The following KCNMB2 variants were observed in gnomAD, a reference collection of about 807,000 sequenced individuals.
KCNMB2 encodes potassium calcium-activated channel subfamily M regulatory beta subunit 2, also known as calcium-activated potassium channel subunit beta-2.
A neutral mutation model predicts 24.5 loss-of-function variants in KCNMB2; 9 were observed. The observed-to-expected ratio is 0.37, with a 90% CI of 0.22 to 0.64. The LOEUF is 0.64. KCNMB2 is among the 30% of genes least tolerant of loss of function. The probability of loss-of-function intolerance (pLI) is 0.63; values close to 1 mark genes in which losing one functional copy is unlikely to be tolerated. For missense variants in KCNMB2, 226 were observed against 284.3 expected, an observed-to-expected ratio of 0.79 and a Z score of 1.47; for synonymous variants, 109 against 104.4, an observed-to-expected ratio of 1.04 and a Z score of -0.27.
At chr3:178,615,180 C>A (rs558293652) in intron 1 of KCNMB2, among the ~76,000 whole-genome samples, 1 of 152,330 alleles carries the variant, frequency 6.6e-6, no homozygotes, top group East Asian at 1.9e-4. Flanking sequence ...GACACACACA[C>A]CCCTGTGGGC....
chr3:178,811,756 G>A (rs75575622), intron 2 of KCNMB2, among the ~76,000 whole-genome samples: 377 of 152,220 alleles, frequency 2.5e-3, no homozygotes, highest in Non-Finnish European at 4.7e-3. Flanking sequence ...AAAAGTACAC[G>A]CAGCTTTAAT....
chr3:178,564,419 G>A (rs147207945), intron 1 of KCNMB2, among the ~76,000 whole-genome samples: 1 of 152,230 alleles, frequency 6.6e-6, no homozygotes, highest in Non-Finnish European at 1.5e-5. Flanking sequence ...GAATATCATA[G>A]GTCTGAGAAC....
At chr3:178,842,116 G>GT (rs763943653) in intron 4 of KCNMB2, among the ~76,000 whole-genome samples, 3 of 152,126 alleles carry the variant, frequency 2.0e-5, no homozygotes, top group Non-Finnish European at 4.4e-5. Flanking sequence ...AAGTGTAGCT[G>GT]TTTTTTTATG....
chr3:178,546,744 A>G (rs1244767284), intron 1 of KCNMB2, among the ~76,000 whole-genome samples: 1 of 152,240 alleles, frequency 6.6e-6, no homozygotes, highest in African/African-American at 2.4e-5. Context: ...CATCATTCTA[A>G]GAGGAATGGA....
At chr3:178,754,285 AATGAACAC>A (rs1247559665) in intron 1 of KCNMB2, among the ~76,000 whole-genome samples, 2 of 151,080 alleles carry the variant, frequency 1.3e-5, no homozygotes, top group Non-Finnish European at 2.9e-5. Flanking sequence ...GTAATGCTTC[AATGAACAC>A]AAGAGACAGA....
chr3:178,567,330 T>C (rs1716562770), intron 1 of KCNMB2, among the ~76,000 whole-genome samples: 4 of 151,992 alleles, frequency 2.6e-5, no homozygotes, highest in Admixed American at 2.0e-4. Flanking sequence ...TAGAAAACAG[T>C]TGGGGAGGAA....
At chr3:178,662,489 A>G (rs1406789528) in intron 1 of KCNMB2, among the ~76,000 whole-genome samples, 2 of 152,180 alleles carry the variant, frequency 1.3e-5, no homozygotes, top group Admixed American at 1.3e-4. Context: ...GACTATATAC[A>G]AAATTCACAC....
At chr3:178,629,431 G>A (rs544786140) in intron 1 of KCNMB2, among the ~76,000 whole-genome samples, 11 of 152,258 alleles carry the variant, frequency 7.2e-5, no homozygotes, top group Admixed American at 2.0e-4. Flanking sequence ...AGTCTGAGGC[G>A]CTGGGTAAAG....
At chr3:178,747,652 A>C (rs1368923029) in intron 1 of KCNMB2, among the ~76,000 whole-genome samples, 1 of 152,180 alleles carries the variant, frequency 6.6e-6, no homozygotes, top group Non-Finnish European at 1.5e-5. Context: ...GGTCTCAATG[A>C]CTATGCTAAT....
chr3:178,728,853 G>A (rs1466128240), intron 1 of KCNMB2, among the ~76,000 whole-genome samples: 1 of 152,064 alleles, frequency 6.6e-6, no homozygotes, highest in Non-Finnish European at 1.5e-5. Flanking sequence ...AGTTACTCAG[G>A]GATGTGATCC....
Position 178,587,414 on chromosome 3 carries a change from C to A in KCNMB2, c.-68+50703C>A, listed in dbSNP as rs76427529. On this transcript the variant is annotated intron_variant, in intron 1 of 4. Transcript: ENST00000452583. ...CAATAAACAGAACTCAGGAGATTAT[C>A]TTTTCCAGTAATTTTTTCTTTTTTT... is the stretch of plus-strand genomic sequence containing the variant. Among the ~76,000 whole-genome samples the A allele has an allele frequency of 5.3e-3, 802 of 152,082 alleles. 5 individuals are homozygous for A. The highest frequency in any genetic ancestry group is 0.019 in the African/African-American group (775 of 41,510).
At position 178,807,460 on chromosome 3, in the gene KCNMB2, A is replaced by T. The variant is rs766538946; in HGVS notation, c.51A>T (p.Glu17Asp). The T allele has an allele frequency of 1.3e-5, 21 of 1,613,492 alleles. No individual in the cohort carries two copies. The Admixed American group carries it at 2.5e-4, about 19-fold the overall frequency. ...CCTCTTCATCTTATAGACATGATGAAAAAAGGTAAATGCACTGGGATTCTG... is the reference window on the plus strand; with the variant it reads ...CCTCTTCATCTTATAGACATGATGATAAAAGGTAAATGCACTGGGATTCTG... Reference protein sequence around the residue: ...GRTSSSYRHDEKRNIYQKIRD... With the variant: ...GRTSSSYRHDDKRNIYQKIRD... The change falls in exon 2 of 5, where the codon GAA (glutamate) becomes GAT (aspartate). Residue 17 changes from glutamate to aspartate, a missense_variant. Physicochemically the swap from Glu to Asp is conservative, Grantham distance 45. Coordinates refer to ENST00000452583, the MANE Select transcript of KCNMB2 (RefSeq NM_181361.3).
chr3:178,591,373 TTCTG>T (rs1289616685), intron 1 of KCNMB2, among the ~76,000 whole-genome samples: 8 of 152,130 alleles, frequency 5.3e-5, no homozygotes, highest in Non-Finnish European at 1.2e-4. Context: ...TCGGGGCTCA[TTCTG>T]TCTTTTTCTA....
intron 1 of KCNMB2, among the ~76,000 whole-genome samples, chr3:178,663,917 A>C (rs1172354380): frequency 6.6e-6 from 1 of 152,134 alleles, no homozygotes; most frequent in Non-Finnish European, 1.5e-5. Flanking sequence ...ACTAATCTAG[A>C]GACTGTGGCA....
At chr3:178,801,135 A>T (rs1427358807) in intron 1 of KCNMB2, among the ~76,000 whole-genome samples, 1 of 152,178 alleles carries the variant, frequency 6.6e-6, no homozygotes, top group Non-Finnish European at 1.5e-5. Flanking sequence ...GGGTGACTGC[A>T]GTCTACAATA....
intron 1 of KCNMB2, among the ~76,000 whole-genome samples, chr3:178,647,562 A>G (rs1339395698): frequency 6.6e-6 from 1 of 152,234 alleles, no homozygotes; most frequent in Non-Finnish European, 1.5e-5. Context: ...TTTATCATCT[A>G]TAAAATGCAA....
At position 178,537,603 on chromosome 3, in the gene KCNMB2, G is replaced by C. The variant is rs1428880126; in HGVS notation, c.-68+892G>C. Among the ~76,000 whole-genome samples, 10 of 152,292 alleles carry C rather than the reference G, an allele frequency of 6.6e-5. No individual in the cohort carries two copies. The East Asian group carries it at 1.9e-3, about 29-fold the overall frequency. The stretch of plus-strand genomic sequence containing the variant: ...TTGTACTTTATATGGGATCGGTATA[G>C]CACAATCAGAAAAGGAAATGTCAGG... On this transcript the variant is annotated intron_variant, in intron 1 of 4. Coordinates refer to ENST00000452583, the MANE Select transcript of KCNMB2 (RefSeq NM_181361.3).
chr3:178,618,898 G>A (rs925887349), intron 1 of KCNMB2, among the ~76,000 whole-genome samples: 1 of 152,146 alleles, frequency 6.6e-6, no homozygotes, highest in African/African-American at 2.4e-5. Context: ...TAGTCCTTAG[G>A]TAAGAATTAT....
At chr3:178,695,568 A>G (rs1344226002) in intron 1 of KCNMB2, among the ~76,000 whole-genome samples, 1 of 152,072 alleles carries the variant, frequency 6.6e-6, no homozygotes, top group Non-Finnish European at 1.5e-5. Context: ...CATAAATTCA[A>G]TGTTCCACAG....
Sources: gnomAD v4.1 joint callset for allele counts (sites outside exome capture counted in the v4.1 genomes callset) on GRCh38, gnomAD v4.1.1 for gene constraint, MANE v1.5 for transcripts, NCBI Gene and HGNC (gene_info 2026-07-23, HGNC 2026-07-21) for gene names.